IMMT: variants seen among roughly 807,000 people sequenced by gnomAD.
IMMT encodes inner membrane mitochondrial protein.
In IMMT, 40 loss-of-function variants were observed where a neutral mutation model predicts 92.7. The ratio of observed to expected loss-of-function variants is 0.43; its 90% CI spans 0.34 to 0.56. The LOEUF (loss-of-function observed/expected upper bound fraction) is 0.56, where lower values mean the gene tolerates loss of function less well. Ranked by LOEUF, IMMT falls within the 20% of genes least tolerant of loss-of-function variation. IMMT has a pLI of 0.03. For synonymous variants in IMMT, 322 were observed against 336.1 expected (o/e 0.96, Z 0.46); for missense variants, 831 against 912.1 (o/e 0.91, Z 1.14).
Position 86,162,053 on chromosome 2 carries a change from C to A in IMMT, c.819G>T (p.Gln273His). The change falls in exon 8 of 15, where the codon CAG becomes CAT. Residue 273 changes from glutamine (Q) to histidine (H), a missense_variant. Gln to His is a conservative substitution (Grantham distance 24). Transcript: ENST00000410111. ...SEIAGEKKSA[Q>H]WRTVEGALKE... ...TCAATGCACCCTCCACTGTGCGCCA[C>A]TGAGCAGATTTCTTCTCGCCTGCAA... The A allele has an allele frequency of 6.2e-7, 1 of 1,600,832 alleles. No individual in the cohort carries two copies. Among genetic ancestry groups the A allele is most frequent in the Non-Finnish European group, 8.5e-7 (1 of 1,174,740 alleles).
At chr2:86,153,527 A>G in intron 11 of IMMT, 33 bp downstream of exon 11, 2 of 1,348,940 alleles carry the variant, frequency 1.5e-6, no homozygotes, top group Admixed American at 2.9e-5. Context: ...CCAAAACAAA[A>G]GACTTTAAAC....
At position 86,166,627 on chromosome 2, in the gene IMMT, C is replaced by T. The variant is rs1474406880; in HGVS notation, c.673G>A (p.Glu225Lys). 4 of 1,610,472 alleles carry T rather than the reference C, an allele frequency of 2.5e-6. No individual in the cohort carries two copies. The highest frequency in any genetic ancestry group is 3.4e-6 in the Non-Finnish European group (4 of 1,178,744). ...VKIESLAKSLEDALRQTASVT... is the reference protein window; with the variant it reads ...VKIESLAKSLKDALRQTASVT... The stretch of plus-strand genomic sequence containing the variant: ...CTTGCAGTTTGCCTCAGAGCATCTT[C>T]TAAGCTCTTGGCTAGAGCTTAAAAA... Residue 225 changes from glutamate to lysine, a missense_variant, in exon 7 of 15, where the codon GAA becomes AAA. Coordinates refer to ENST00000410111, the MANE Select transcript of IMMT (RefSeq NM_006839.3).
intron 9 of IMMT, 137 bp from the exon 10 acceptor site, chr2:86,158,858 T>G (rs958527244): frequency 5.6e-6 from 4 of 714,898 alleles, no homozygotes; most frequent in Non-Finnish European, 9.0e-6. Flanking sequence ...AGAAATAGAA[T>G]ATAAGCCTTA....
rs777037074 is a variant in IMMT, at chr2:86,144,202, C to T, written c.*66G>A. 2.5e-5 allele frequency: 39 copies of T among 1,570,228 alleles called. No individual in the cohort carries two copies. Among genetic ancestry groups the T allele is most frequent in the Non-Finnish European group, 3.4e-5 (39 of 1,151,944 alleles). On this transcript the variant is annotated 3_prime_UTR_variant, in exon 15 of 15. Coordinates refer to ENST00000410111, the MANE Select transcript of IMMT (RefSeq NM_006839.3). ...ACAAGTCCGGGACTCTCGCTGCGAACCCTTCATCTATCACTGCTGATTTCC... is the reference window on the plus strand; with the variant it reads ...ACAAGTCCGGGACTCTCGCTGCGAATCCTTCATCTATCACTGCTGATTTCC...
intron 3 of IMMT, 131 bp from the exon 4 acceptor site, chr2:86,173,892 G>T: frequency 1.7e-6 from 1 of 572,204 alleles, no homozygotes; most frequent in Non-Finnish European, 3.1e-6. Flanking sequence ...TGTAACATAT[G>T]TATTTTATTA....
At chr2:86,171,858 A>T (rs1324197019) in intron 4 of IMMT, among the ~76,000 whole-genome samples, 10 of 119,276 alleles carry the variant, frequency 8.4e-5, no homozygotes, top group African/African-American at 2.8e-4. Context: ...ATATATATAT[A>T]TATATTTTTT....
intron 3 of IMMT, among the ~76,000 whole-genome samples, chr2:86,178,955 G>A (rs528702013): frequency 2.6e-5 from 4 of 152,194 alleles, no homozygotes; most frequent in Non-Finnish European, 5.9e-5. Flanking sequence ...CCAGCTACTC[G>A]GGAGGCTGAG....
intron 10 of IMMT, among the ~76,000 whole-genome samples, chr2:86,157,816 AAG>A (rs1675966535): frequency 6.6e-6 from 1 of 150,978 alleles, no homozygotes. Context: ...AAAAAAAAAA[AAG>A]GTACAAAAAA....
At chr2:86,183,779 A>T (rs1672581366) in intron 1 of IMMT, among the ~76,000 whole-genome samples, 1 of 152,146 alleles carries the variant, frequency 6.6e-6, no homozygotes, top group South Asian at 2.1e-4. Flanking sequence ...ATATACACGC[A>T]ATTCTCTATT....
intron 4 of IMMT, among the ~76,000 whole-genome samples, chr2:86,171,959 ATT>A (rs869190735): frequency 2.9e-3 from 115 of 40,182 alleles, no homozygotes; most frequent in African/African-American, 6.9e-3. Context: ...TGTGTAGTAT[ATT>A]TTTTTTTTTT....
chr2:86,152,440 C>CAAA (rs772186185), intron 11 of IMMT, among the ~76,000 whole-genome samples: 7 of 76,854 alleles, frequency 9.1e-5, no homozygotes, highest in African/African-American at 2.2e-4. Flanking sequence ...GACTCCATCT[C>CAAA]AAAAAAAAAA....
intron 10 of IMMT, among the ~76,000 whole-genome samples, chr2:86,157,338 T>G (rs1675922099): frequency 6.6e-6 from 1 of 152,216 alleles, no homozygotes; most frequent in Non-Finnish European, 1.5e-5. Flanking sequence ...TCTCCCTGGG[T>G]GGCCATCATG....
intron 12 of IMMT, among the ~76,000 whole-genome samples, chr2:86,149,435 T>A (rs1466273556): frequency 6.6e-6 from 1 of 152,190 alleles, no homozygotes; most frequent in East Asian, 1.9e-4. Flanking sequence ...AAATGGGTAG[T>A]CCATGGAGGA....
chr2:86,173,620 T>A (rs1246960695), intron 4 of IMMT, 30 bp downstream of exon 4: 1 of 1,246,840 alleles, frequency 8.0e-7, no homozygotes, highest in Non-Finnish European at 1.2e-6. Flanking sequence ...TTACCTATAA[T>A]TTTAAAAAGA....
chr2:86,181,895 T>C (rs1209659744), intron 1 of IMMT, among the ~76,000 whole-genome samples: 2 of 152,200 alleles, frequency 1.3e-5, no homozygotes, highest in Non-Finnish European at 2.9e-5. Context: ...GGCATTCATT[T>C]AAAAGCTGAT....
At chr2:86,161,926 G>A (rs1558821488) in intron 8 of IMMT, 50 bp downstream of exon 8, 1 of 1,241,578 alleles carries the variant, frequency 8.1e-7, no homozygotes, top group Non-Finnish European at 1.2e-6. Context: ...CCGGCCCAAA[G>A]AAAGCCACCA....
At chr2:86,172,552 C>G (rs2105262785) in intron 4 of IMMT, among the ~76,000 whole-genome samples, 1 of 152,182 alleles carries the variant, frequency 6.6e-6, no homozygotes, top group East Asian at 1.9e-4. Context: ...AGGCTACTTT[C>G]AAACTCCTGG....
rs1677060112 is a variant in IMMT, at chr2:86,171,197, A to G, written c.559+11T>C. 3 of 1,572,038 alleles carry G rather than the reference A, an allele frequency of 1.9e-6. No homozygotes were observed. Among genetic ancestry groups the G allele is most frequent in the Admixed American group, 3.7e-5 (2 of 54,454 alleles). The stretch of plus-strand genomic sequence containing the variant: ...CATGTATAAAAGAACAAATAGAAAT[A>G]ATTAAATTACCTGAAAGTGCAGGTG... On this transcript the variant is annotated intron_variant, in intron 5 of 14. Coordinates refer to ENST00000410111, the MANE Select transcript of IMMT (RefSeq NM_006839.3).
intron 1 of IMMT, among the ~76,000 whole-genome samples, chr2:86,191,623 G>C (rs1673121905): frequency 6.6e-6 from 1 of 152,064 alleles, no homozygotes; most frequent in Non-Finnish European, 1.5e-5. Context: ...AAATCTTTCA[G>C]CCAGGCGCGG....
Sources: allele counts gnomAD v4.1 joint callset (sites outside exome capture counted in the v4.1 genomes callset), GRCh38; gene constraint gnomAD v4.1.1; transcripts MANE v1.5; gene names NCBI Gene and HGNC (gene_info 2026-07-23, HGNC 2026-07-21).